Variants in FOCAD observed in about 807,000 individuals in gnomAD.
FOCAD encodes the protein KIAA1797.
Under a neutral mutation model 225.6 loss-of-function variants are expected in FOCAD, and 198 were observed. The observed-to-expected ratio is 0.88, with a 90% confidence interval of 0.78 to 0.99. FOCAD has a LOEUF of 0.99. Among genes scored for constraint, FOCAD ranks in the 50% least tolerant of loss-of-function variants. The pLI, the probability that FOCAD is intolerant of heterozygous loss-of-function variation, is 0.00. For synonymous variants in FOCAD, 897 were observed against 755.0 expected (o/e 1.19, Z -3.08); for missense variants, 2,713 against 2,123.6 (o/e 1.28, Z -5.46).
chr9:20,695,980 A>C (rs1251694800), intron 1 of FOCAD, among the ~76,000 whole-genome samples: 2 of 152,234 alleles, frequency 1.3e-5, no homozygotes, highest in Non-Finnish European at 2.9e-5. Context: ...AGCTTTTTTT[A>C]GCTGATATGG....
chr9:20,987,992 A>G (rs1841338319), intron 40 of FOCAD, among the ~76,000 whole-genome samples: 2 of 152,234 alleles, frequency 1.3e-5, no homozygotes, highest in African/African-American at 4.8e-5. Flanking sequence ...ATTGTCAACA[A>G]TTCAACATTG....
At chr9:20,758,961 T>A (rs1371042203) in intron 6 of FOCAD, among the ~76,000 whole-genome samples, 1 of 152,108 alleles carries the variant, frequency 6.6e-6, no homozygotes, top group Non-Finnish European at 1.5e-5. Flanking sequence ...CAAGCATTCT[T>A]ATACACCAAT....
upstream of FOCAD, among the ~76,000 whole-genome samples, chr9:20,658,087 CTCAGGGG>C (rs532816456): frequency 6.7e-6 from 1 of 149,066 alleles, no homozygotes; most frequent in Non-Finnish European, 1.5e-5. Context: ...AGTTAGGCTG[CTCAGGGG>C]TCAGGGGTCA....
chr9:20,757,046 C>A (rs1215035195), intron 5 of FOCAD, among the ~76,000 whole-genome samples: 8 of 152,178 alleles, frequency 5.3e-5, no homozygotes, highest in African/African-American at 1.9e-4. Context: ...TCACCTTCCT[C>A]AGCCTCCTGA....
chr9:20,812,002 CTT>C (rs1564020445), intron 11 of FOCAD, among the ~76,000 whole-genome samples: 5 of 152,162 alleles, frequency 3.3e-5, no homozygotes, highest in African/African-American at 1.2e-4. Flanking sequence ...GGCAAACACA[CTT>C]GTATATATAG....
At chr9:20,946,605 T>G in intron 29 of FOCAD, 96 bp from the exon 30 acceptor site, 1 of 1,362,222 alleles carries the variant, frequency 7.3e-7, no homozygotes, top group South Asian at 1.4e-5. Context: ...CAATTCTTAC[T>G]CTGGGGGGGA....
intron 22 of FOCAD, among the ~76,000 whole-genome samples, chr9:20,908,569 T>C (rs1007391895): frequency 6.6e-5 from 10 of 152,072 alleles, no homozygotes; most frequent in African/African-American, 2.2e-4. Context: ...CTAAATGTAC[T>C]GTAATCTGCA....
chr9:20,922,993 C>G (rs188663423), intron 24 of FOCAD, among the ~76,000 whole-genome samples: 1 of 152,278 alleles, frequency 6.6e-6, no homozygotes, highest in Non-Finnish European at 1.5e-5. Context: ...TATTAGAAGG[C>G]TACCATTTAG....
At chr9:20,969,146 TAG>T (rs1839536965) in intron 35 of FOCAD, among the ~76,000 whole-genome samples, 1 of 152,180 alleles carries the variant, frequency 6.6e-6, no homozygotes, top group South Asian at 2.1e-4. Flanking sequence ...GGTATGGTTT[TAG>T]TCTTTTAAAA....
chr9:20,908,583 TA>T (rs1833174663), intron 22 of FOCAD, among the ~76,000 whole-genome samples: 1 of 152,084 alleles, frequency 6.6e-6, no homozygotes, highest in South Asian at 2.1e-4. Flanking sequence ...ATCTGCATTT[TA>T]AAGATGTTCC....
chr9:20,787,328 C>A (rs1028467176), intron 10 of FOCAD, among the ~76,000 whole-genome samples: 3 of 152,162 alleles, frequency 2.0e-5, no homozygotes, highest in Non-Finnish European at 4.4e-5. Context: ...AGGCACTGTG[C>A]TAGGTGTTTT....
chr9:20,914,007 G>A (rs908976360), intron 23 of FOCAD, among the ~76,000 whole-genome samples: 1 of 151,816 alleles, frequency 6.6e-6, no homozygotes, highest in African/African-American at 2.4e-5. Context: ...GTTCATGCCT[G>A]TAATCCCAGC....
At chr9:20,883,073 C>G (rs1564109027) in intron 20 of FOCAD, among the ~76,000 whole-genome samples, 2 of 152,136 alleles carry the variant, frequency 1.3e-5, no homozygotes, top group Admixed American at 6.5e-5. Flanking sequence ...GAGAGGAAAA[C>G]TACTCTTTGA....
intron 1 of FOCAD, among the ~76,000 whole-genome samples, chr9:20,698,383 C>T (rs577275240): frequency 9.9e-5 from 15 of 152,018 alleles, no homozygotes; most frequent in Non-Finnish European, 2.2e-4. Flanking sequence ...CACACGCACA[C>T]ACACACACAT....
chr9:20,656,896 G>A (rs1245232476), upstream of FOCAD, among the ~76,000 whole-genome samples: 1 of 151,920 alleles, frequency 6.6e-6, no homozygotes, highest in African/African-American at 2.4e-5. Flanking sequence ...ATTTTGGCAT[G>A]ATTTTGCAGC....
intron 11 of FOCAD, among the ~76,000 whole-genome samples, chr9:20,817,008 G>T (rs1823794087): frequency 6.6e-6 from 1 of 152,136 alleles, no homozygotes; most frequent in South Asian, 2.1e-4. Context: ...GGAATGAGGT[G>T]TGCGTATCTG....
chr9:20,746,800 AG>A (rs1828071211), intron 5 of FOCAD, among the ~76,000 whole-genome samples: 6 of 152,274 alleles, frequency 3.9e-5, no homozygotes, highest in African/African-American at 1.2e-4. Context: ...TTTAATGTAT[AG>A]GATCTAGTTT....
chr9:20,953,543 G>A (rs1041158388), intron 35 of FOCAD, among the ~76,000 whole-genome samples: 3 of 152,136 alleles, frequency 2.0e-5, no homozygotes, highest in Middle Eastern at 3.2e-3. Context: ...ACACATTTGA[G>A]CCTTTGTGAT....
chr9:20,926,907 C>G (rs1187959010), intron 26 of FOCAD, among the ~76,000 whole-genome samples: 1 of 150,452 alleles, frequency 6.6e-6, no homozygotes, highest in African/African-American at 2.4e-5. Context: ...GAAATATTAT[C>G]TATATAAAAT....
Sources: allele counts gnomAD v4.1 joint callset (sites outside exome capture counted in the v4.1 genomes callset), GRCh38; gene constraint gnomAD v4.1.1; transcripts MANE v1.5; gene names NCBI Gene and HGNC (gene_info 2026-07-23, HGNC 2026-07-21).